Variants in MYO16 observed in about 807,000 individuals in gnomAD.
MYO16 encodes the protein unconventional myosin-XVI.
MYO16 carries 94 observed loss-of-function variants against 205.3 expected under a neutral mutation model. The observed-to-expected ratio is 0.46, with a 90% CI of 0.39 to 0.54. MYO16 has a LOEUF of 0.54. Among genes scored for constraint, MYO16 ranks in the 20% least tolerant of loss-of-function variants. MYO16 has a pLI of 0.00. For missense variants in MYO16, 2,315 were observed against 2,387.5 expected, an observed-to-expected ratio of 0.97 and a Z score of 0.63; for synonymous variants, 988 against 954.0, an observed-to-expected ratio of 1.04 and a Z score of -0.66.
At chr13:108,845,937 G>A (rs1038604265) in intron 10 of MYO16, among the ~76,000 whole-genome samples, 2 of 151,850 alleles carry the variant, frequency 1.3e-5, no homozygotes, top group Non-Finnish European at 2.9e-5. Flanking sequence ...TTGAGTTCCT[G>A]GGCTCAGGTG....
chr13:108,609,902 A>G (rs1351821520), intron 1 of MYO16, among the ~76,000 whole-genome samples: 1 of 152,202 alleles, frequency 6.6e-6, no homozygotes, highest in Non-Finnish European at 1.5e-5. Flanking sequence ...CACTACAGTC[A>G]TCTGAAAGGA....
chr13:108,543,901 A>G, the MYO16 span, among the ~76,000 whole-genome samples: 2,509 of 150,888 alleles, frequency 0.017, 82 homozygotes, highest in African/African-American at 0.058. Flanking sequence ...CCCCCTCTCT[A>G]CTAAAAATAC....
chr13:108,974,932 C>A (rs1054476835), intron 20 of MYO16, among the ~76,000 whole-genome samples: 2 of 152,224 alleles, frequency 1.3e-5, no homozygotes, highest in African/African-American at 4.8e-5. Context: ...ATTAAAATAC[C>A]TTTTGAATTA....
intron 32 of MYO16, among the ~76,000 whole-genome samples, chr13:109,145,234 G>A (rs1033257723): frequency 6.6e-6 from 1 of 152,158 alleles, no homozygotes; most frequent in Non-Finnish European, 1.5e-5. Flanking sequence ...GGGGCACAGG[G>A]AGATTAATCT....
At chr13:109,020,460 T>C (rs1465969112) in intron 23 of MYO16, among the ~76,000 whole-genome samples, 2 of 150,460 alleles carry the variant, frequency 1.3e-5, no homozygotes, top group Non-Finnish European at 3.0e-5. Context: ...TTCTCCAAGC[T>C]GATCATAATT....
At chr13:108,721,964 A>G (rs776149670) in intron 3 of MYO16, among the ~76,000 whole-genome samples, 4 of 152,130 alleles carry the variant, frequency 2.6e-5, no homozygotes, top group Non-Finnish European at 4.4e-5. Flanking sequence ...CAGGCAGGTT[A>G]CCCATATAGT....
chr13:108,558,725 A>T, the MYO16 span, among the ~76,000 whole-genome samples: 1 of 152,168 alleles, frequency 6.6e-6, no homozygotes, highest in African/African-American at 2.4e-5. Flanking sequence ...ACACGTGAGC[A>T]CCTGCCACAG....
At position 109,160,450 on chromosome 13, in the gene MYO16, A is replaced by G. The variant is rs545456705; in HGVS notation, c.5165-4451A>G. Among the ~76,000 whole-genome samples, 3 of 152,320 alleles carry G rather than the reference A, an allele frequency of 2.0e-5. No homozygotes were observed. In the East Asian group the frequency reaches 5.8e-4, roughly 29 times the overall value. The stretch of plus-strand genomic sequence containing the variant: ...TGTGATTCAATTCTCTCGTACCTGT[A>G]AAAATAGCACCGAGCCCGAGGTCAC... On this transcript the variant is annotated intron_variant, in intron 32 of 34. Transcript: ENST00000457511.
chr13:108,519,343 T>C, the MYO16 span, among the ~76,000 whole-genome samples: 1 of 152,276 alleles, frequency 6.6e-6, no homozygotes, highest in African/African-American at 2.4e-5. Context: ...CTGGTGACTT[T>C]TTCTGCATGG....
the MYO16 span, among the ~76,000 whole-genome samples, chr13:108,509,182 G>A: frequency 6.6e-6 from 1 of 152,168 alleles, no homozygotes; most frequent in East Asian, 1.9e-4. Flanking sequence ...ATAAGTAGAG[G>A]ACTGATCAAG....
intron 20 of MYO16, among the ~76,000 whole-genome samples, chr13:108,986,617 C>T (rs1297440630): frequency 1.8e-5 from 2 of 110,318 alleles, no homozygotes; most frequent in African/African-American, 7.2e-5. Context: ...AGCGAAACTC[C>T]GTCTCAAAAA....
At chr13:108,937,162 T>G (rs1391271518) in intron 16 of MYO16, among the ~76,000 whole-genome samples, 2 of 152,236 alleles carry the variant, frequency 1.3e-5, no homozygotes, top group Admixed American at 6.5e-5. Flanking sequence ...TTAAAAATAC[T>G]GAAAACAGAC....
At chr13:108,675,889 C>T (rs374317463) in intron 2 of MYO16, among the ~76,000 whole-genome samples, 12 of 152,260 alleles carry the variant, frequency 7.9e-5, no homozygotes, top group East Asian at 5.8e-4. Flanking sequence ...TGTCTGTCCC[C>T]GGCCAGGGCA....
intron 9 of MYO16, among the ~76,000 whole-genome samples, chr13:108,825,578 A>AAAATAATT (rs1876214033): frequency 6.7e-6 from 1 of 148,782 alleles, no homozygotes; most frequent in African/African-American, 2.5e-5. Flanking sequence ...ACCTAGCAAG[A>AAAATAATT]AAATAAATAA....
intron 24 of MYO16, among the ~76,000 whole-genome samples, chr13:109,047,873 A>G (rs1432958747): frequency 6.6e-6 from 1 of 152,140 alleles, no homozygotes; most frequent in Non-Finnish European, 1.5e-5. Flanking sequence ...CACAGCTGTA[A>G]TACACTGTTT....
rs190836208 is a variant in MYO16 at position 109,009,029 on chromosome 13, G to T, written c.2575G>T (p.Val859Phe). ...TAYSPGNQNG[V>F]LDFFFQKPSG... ...ATATTCTCCTGGTAACCAGAATGGA[G>T]TTTTGGACTTTTTTTTCCAGGTATT... Residue 859 changes from valine to phenylalanine, a missense_variant, in exon 22 of 35, where the codon GTT becomes TTT. Val to Phe is a conservative substitution (Grantham distance 50). Coordinates refer to ENST00000457511, the MANE Select transcript of MYO16 (RefSeq NM_001198950.3). The T allele has an allele frequency of 6.3e-7, 1 of 1,591,952 alleles. No individual in the cohort carries two copies. Among genetic ancestry groups the T allele is most frequent in the Non-Finnish European group, 8.5e-7 (1 of 1,173,140 alleles).
chr13:108,914,975 G>A (rs1001820464), intron 16 of MYO16, among the ~76,000 whole-genome samples: 2 of 152,202 alleles, frequency 1.3e-5, no homozygotes, highest in African/African-American at 2.4e-5. Context: ...AGCTACAAAA[G>A]TGCTGTTTAG....
intron 16 of MYO16, among the ~76,000 whole-genome samples, chr13:108,947,813 G>C (rs1882995577): frequency 6.6e-6 from 1 of 152,228 alleles, no homozygotes; most frequent in African/African-American, 2.4e-5. Flanking sequence ...CAACTGATTA[G>C]AAAAATATGG....
chr13:108,579,358 C>A, the MYO16 span, among the ~76,000 whole-genome samples: 4,066 of 152,060 alleles, frequency 0.027, 172 homozygotes, highest in African/African-American at 0.091. Context: ...GAGTTAGAGC[C>A]TGGAAGAGAA....
Sources: gnomAD v4.1 joint callset for allele counts (sites outside exome capture counted in the v4.1 genomes callset) on GRCh38, gnomAD v4.1.1 for gene constraint, MANE v1.5 for transcripts, NCBI Gene and HGNC (gene_info 2026-07-23, HGNC 2026-07-21) for gene names.